PAPPA2: variants seen among roughly 807,000 people sequenced by gnomAD.
The protein encoded by PAPPA2 is pappalysin-2.
In PAPPA2, 86 loss-of-function variants were observed where a neutral mutation model predicts 176.4. That is an observed-to-expected ratio of 0.49 (90% CI 0.41 to 0.58). PAPPA2 has a LOEUF of 0.58. Among genes scored for constraint, PAPPA2 ranks in the 20% least tolerant of loss-of-function variants. The pLI, the probability that PAPPA2 is intolerant of heterozygous loss-of-function variation, is 0.00. For synonymous variants in PAPPA2, 809 were observed against 852.2 expected, an observed-to-expected ratio of 0.95 and a Z score of 0.88; for missense variants, 2,073 against 2,256.9, an observed-to-expected ratio of 0.92 and a Z score of 1.65.
At chr1:176,617,765 T>C (rs544906183) in intron 3 of PAPPA2, among the ~76,000 whole-genome samples, 63 of 152,308 alleles carry the variant, frequency 4.1e-4, no homozygotes, top group African/African-American at 1.5e-3. Flanking sequence ...TGTGCAAGTG[T>C]ATTTTTCATA....
chr1:176,806,182 C>T (rs1277879791), intron 21 of PAPPA2, among the ~76,000 whole-genome samples: 1 of 152,056 alleles, frequency 6.6e-6, no homozygotes, highest in Non-Finnish European at 1.5e-5. Context: ...CTGCCATTTC[C>T]TCTCTAAATT....
chr1:176,542,960 G>T (rs1650439494), intron 1 of PAPPA2, among the ~76,000 whole-genome samples: 1 of 152,158 alleles, frequency 6.6e-6, no homozygotes, highest in Non-Finnish European at 1.5e-5. Flanking sequence ...AAGTTCTCCA[G>T]TATGAGTTCT....
At chr1:176,634,078 C>G (rs1408171356) in intron 3 of PAPPA2, among the ~76,000 whole-genome samples, 6 of 152,304 alleles carry the variant, frequency 3.9e-5, no homozygotes, top group African/African-American at 4.8e-5. Context: ...TTTGACCCAG[C>G]CATCCCATTA....
At chr1:176,519,490 A>G (rs1649097383) in intron 1 of PAPPA2, among the ~76,000 whole-genome samples, 1 of 152,166 alleles carries the variant, frequency 6.6e-6, no homozygotes, top group East Asian at 1.9e-4. Context: ...CATTTTTCTC[A>G]TTAGGGAAAT....
chr1:176,620,955 A>G (rs1017601202), intron 3 of PAPPA2, among the ~76,000 whole-genome samples: 5 of 152,192 alleles, frequency 3.3e-5, no homozygotes, highest in African/African-American at 1.2e-4. Flanking sequence ...GCCTTCAGGT[A>G]TAGAGATGCC....
chr1:176,775,969 A>C lies in PAPPA2; in HGVS notation c.4715+4789A>C, dbSNP rs150015567. Among the ~76,000 whole-genome samples the C allele has an allele frequency of 2.6e-3, 396 of 152,302 alleles. 1 individual carries two copies. The highest frequency in any genetic ancestry group is 9.3e-3 in the African/African-American group (388 of 41,572). On this transcript the variant is annotated intron_variant, in intron 17 of 22. Coordinates refer to ENST00000367662, the MANE Select transcript of PAPPA2 (RefSeq NM_020318.3). ...AGAATTGTAACTCCAAGGAGGTTGT[A>C]AAGTATATGTAGTTTCAGGAGTTCT... is the stretch of plus-strand genomic sequence containing the variant.
chr1:176,782,339 A>C (rs1291071277), intron 17 of PAPPA2, among the ~76,000 whole-genome samples: 2 of 152,200 alleles, frequency 1.3e-5, no homozygotes, highest in African/African-American at 4.8e-5. Context: ...TGCCCTCACC[A>C]AACTCTTTTC....
intron 3 of PAPPA2, among the ~76,000 whole-genome samples, chr1:176,600,119 G>A (rs535717416): frequency 1.4e-4 from 21 of 152,262 alleles, no homozygotes; most frequent in South Asian, 8.3e-4. Context: ...AGGGACACAC[G>A]TAAAGACTAT....
chr1:176,545,962 A>G lies in PAPPA2; in HGVS notation c.-916-9445A>G, dbSNP rs541195733. On this transcript the variant is annotated intron_variant, in intron 1 of 22. Coordinates refer to ENST00000367662, the MANE Select transcript of PAPPA2 (RefSeq NM_020318.3). ...CTTTGGATTCTTTTGAGGCACACTT[A>G]CCAAACTGAGGAAGGTGGCAGTGTG... is the stretch of plus-strand genomic sequence containing the variant. 1.2e-3 allele frequency among the ~76,000 whole-genome samples: 182 copies of G among 152,266 alleles called. 1 individual carries two copies. The highest frequency in any genetic ancestry group is 2.2e-3 in the Admixed American group (34 of 15,286).
chr1:176,632,523 C>T (rs954479126), intron 3 of PAPPA2, among the ~76,000 whole-genome samples: 3 of 151,374 alleles, frequency 2.0e-5, no homozygotes, highest in Admixed American at 6.6e-5. Flanking sequence ...AGAGAAACTC[C>T]GTCTCAAAAA....
At chr1:176,697,917 A>C (rs1158352548) in intron 7 of PAPPA2, among the ~76,000 whole-genome samples, 2 of 152,206 alleles carry the variant, frequency 1.3e-5, no homozygotes, top group Non-Finnish European at 2.9e-5. Flanking sequence ...TGTTGAATTA[A>C]TGAATCAACT....
At chr1:176,543,725 T>A (rs1650482352) in intron 1 of PAPPA2, among the ~76,000 whole-genome samples, 1 of 152,182 alleles carries the variant, frequency 6.6e-6, no homozygotes, top group African/African-American at 2.4e-5. Flanking sequence ...TCTATGCCTC[T>A]CCCATGGTGT....
At chr1:176,695,469 A>G (rs1481432507) in intron 6 of PAPPA2, among the ~76,000 whole-genome samples, 1 of 152,154 alleles carries the variant, frequency 6.6e-6, no homozygotes, top group African/African-American at 2.4e-5. Context: ...TAGGACAGAA[A>G]ATGCCCACTT....
chr1:176,731,066 A>G (rs752469920), intron 12 of PAPPA2, among the ~76,000 whole-genome samples: 17 of 152,068 alleles, frequency 1.1e-4, no homozygotes, highest in Non-Finnish European at 2.4e-4. Context: ...TTCACTGGCC[A>G]AAAAGTGTCT....
At chr1:176,800,871 T>C (rs1665652251) in intron 21 of PAPPA2, among the ~76,000 whole-genome samples, 2 of 152,124 alleles carry the variant, frequency 1.3e-5, no homozygotes, top group Admixed American at 1.3e-4. Flanking sequence ...AACTAGACCT[T>C]TACCACCTCA....
chr1:176,699,610 A>G (rs1237426508), intron 8 of PAPPA2, 21 bp downstream of exon 8: 9 of 1,576,600 alleles, frequency 5.7e-6, no homozygotes, highest in African/African-American at 2.7e-5. Flanking sequence ...TAGCATGACT[A>G]TGGGGCTTCC....
intron 2 of PAPPA2, among the ~76,000 whole-genome samples, chr1:176,579,102 C>T (rs1558449381): frequency 6.6e-6 from 1 of 152,272 alleles, no homozygotes; most frequent in Non-Finnish European, 1.5e-5. Context: ...TCAAAACCCA[C>T]AGACAGAAGG....
intron 17 of PAPPA2, 89 bp from the exon 18 acceptor site, chr1:176,789,720 T>G (rs1343769278): frequency 9.7e-6 from 14 of 1,440,392 alleles, no homozygotes; most frequent in African/African-American, 1.4e-5. Context: ...GCCTATTTGC[T>G]AATTCTTATG....
intron 1 of PAPPA2, among the ~76,000 whole-genome samples, chr1:176,465,112 T>C (rs1651555331): frequency 6.6e-6 from 1 of 152,230 alleles, no homozygotes; most frequent in Non-Finnish European, 1.5e-5. Flanking sequence ...CATTCTGACA[T>C]GTGGATGTGC....
Sources: gnomAD v4.1 joint callset for allele counts (sites outside exome capture counted in the v4.1 genomes callset) on GRCh38, gnomAD v4.1.1 for gene constraint, MANE v1.5 for transcripts, NCBI Gene and HGNC (gene_info 2026-07-23, HGNC 2026-07-21) for gene names.